Variants in SMARCA2 observed in about 807,000 individuals in gnomAD.
SMARCA2 encodes SWI/SNF related BAF chromatin remodeling complex subunit ATPase 2.
SMARCA2 carries 61 observed loss-of-function variants against 199.8 expected under a neutral mutation model. That is an observed-to-expected ratio of 0.31 (90% confidence interval 0.25 to 0.38). The LOEUF (loss-of-function observed/expected upper bound fraction) is 0.38. Among genes scored for constraint, SMARCA2 ranks in the 10% least tolerant of loss-of-function variants. The pLI is 1.00. For synonymous variants in SMARCA2, 935 were observed against 732.0 expected, an observed-to-expected ratio of 1.28 and a Z score of -4.48; for missense variants, 1,344 against 2,012.2, an observed-to-expected ratio of 0.67 and a Z score of 6.35.
Position 2,054,707 on chromosome 9 carries a change from T to A in SMARCA2, c.1157T>A (p.Leu386His), listed in dbSNP as rs1234687806. Residue 386 changes from leucine to histidine, a missense_variant, in exon 6 of 34, where the codon CTC (leucine) becomes CAC (histidine). Physicochemically the swap from Leu to His is moderately conservative, Grantham distance 99. Transcript: ENST00000349721. ...ATVELKALRL[L>H]NFQRQLRQEV... Reference sequence around the variant, plus strand: ...GTGGAACTAAAAGCACTTCGGTTACTCAATTTCCAGCGTCAGGTAATACAT... The same window carrying A: ...GTGGAACTAAAAGCACTTCGGTTACACAATTTCCAGCGTCAGGTAATACAT... 1 of 1,614,106 alleles carries A rather than the reference T, an allele frequency of 6.2e-7. No individual in the cohort carries two copies.
At chr9:2,107,322 A>AT (rs1822798980) in intron 23 of SMARCA2, among the ~76,000 whole-genome samples, 1 of 151,940 alleles carries the variant, frequency 6.6e-6, no homozygotes, top group Non-Finnish European at 1.5e-5. Context: ...AGTTTATTTA[A>AT]TTTAATTTTA....
chr9:2,176,447 T>G (rs367769157), intron 29 of SMARCA2, among the ~76,000 whole-genome samples: 2 of 152,142 alleles, frequency 1.3e-5, no homozygotes, highest in Non-Finnish European at 2.9e-5. Context: ...GTGCCTTTCT[T>G]ATTGAGCTGA....
In SMARCA2 at chr9:2,145,399, TAA is replaced by T. The variant is rs1483794934; in HGVS notation, c.3982-16284_3982-16283del. ...AAGGAGCAATGGAGGAGAAAGTAAA[TAA>T]AAGAGTTTAGACAAGACTAAGATGT... On this transcript the variant is annotated intron_variant, in intron 27 of 33. Transcript: ENST00000349721. Among the ~76,000 whole-genome samples the T allele has an allele frequency of 5.4e-5, 8 of 149,400 alleles. No individual in the cohort carries two copies. The East Asian group carries it at 9.8e-4, about 18-fold the overall frequency.
chr9:2,183,267 C>T (rs1233416583), intron 31 of SMARCA2, among the ~76,000 whole-genome samples: 1 of 152,148 alleles, frequency 6.6e-6, no homozygotes, highest in African/African-American at 2.4e-5. Flanking sequence ...TAAGACAAAA[C>T]AAACTATAGG....
intron 10 of SMARCA2, 83 bp downstream of exon 10, chr9:2,070,554 AT>A (rs779608312): frequency 5.0e-5 from 47 of 947,204 alleles, no homozygotes; most frequent in Non-Finnish European, 7.6e-5. Flanking sequence ...CATGCATACT[AT>A]TTTATTCTTA....
At position 2,100,176 on chromosome 9, in the gene SMARCA2, G is replaced by A. The variant is rs1458729965; in HGVS notation, c.3079-1394G>A. 5.9e-5 allele frequency among the ~76,000 whole-genome samples: 9 copies of A among 152,208 alleles called. No individual in the cohort carries two copies. The South Asian group carries it at 1.9e-3, about 32-fold the overall frequency. ...AACCTGCTCTCCATTCCCACAGATGGTTGCCATTCCCATAAAGTCAGAATG... is the reference window on the plus strand; with the variant it reads ...AACCTGCTCTCCATTCCCACAGATGATTGCCATTCCCATAAAGTCAGAATG... On this transcript the variant is annotated intron_variant, in intron 21 of 33. Transcript: ENST00000349721.
At chr9:2,164,448 C>G (rs931310567) in intron 28 of SMARCA2, among the ~76,000 whole-genome samples, 1 of 152,216 alleles carries the variant, frequency 6.6e-6, no homozygotes, top group African/African-American at 2.4e-5. Flanking sequence ...GTTTCCCCAT[C>G]CCAGAATCCC....
intron 27 of SMARCA2, among the ~76,000 whole-genome samples, chr9:2,149,351 C>T (rs1336900366): frequency 6.6e-6 from 1 of 150,798 alleles, no homozygotes; most frequent in East Asian, 1.9e-4. Flanking sequence ...AACCCCATCT[C>T]TACAAAAATA....
chr9:2,036,605 A>T (rs1178738731), intron 3 of SMARCA2, among the ~76,000 whole-genome samples: 3 of 152,204 alleles, frequency 2.0e-5, no homozygotes, highest in Non-Finnish European at 4.4e-5. Flanking sequence ...TGACAGAATG[A>T]TTCTATTCAC....
chr9:2,064,922 C>T (rs1393127744), intron 9 of SMARCA2, among the ~76,000 whole-genome samples: 5 of 152,364 alleles, frequency 3.3e-5, no homozygotes, highest in South Asian at 4.1e-4. Context: ...CGGCGGCTCA[C>T]GCCTGTAATC....
At chr9:2,186,479 A>G (rs190780227) in intron 32 of SMARCA2, among the ~76,000 whole-genome samples, 231 of 152,286 alleles carry the variant, frequency 1.5e-3, no homozygotes, top group African/African-American at 5.4e-3. Context: ...CTGGGCTCCT[A>G]GCAAACACTG....
intron 24 of SMARCA2, among the ~76,000 whole-genome samples, chr9:2,111,351 C>T (rs113837974): frequency 0.083 from 12,552 of 151,794 alleles, 686 homozygotes; most frequent in Admixed American, 0.13. Context: ...TAGCTGGGCA[C>T]AGTGGCACTT....
chr9:2,028,756 A>C (rs1818937204), intron 1 of SMARCA2, among the ~76,000 whole-genome samples: 1 of 152,120 alleles, frequency 6.6e-6, no homozygotes, highest in African/African-American at 2.4e-5. Context: ...TAGATGATTT[A>C]TATTTTTCTG....
At chr9:2,092,946 T>G (rs936915780) in intron 19 of SMARCA2, among the ~76,000 whole-genome samples, 1 of 152,198 alleles carries the variant, frequency 6.6e-6, no homozygotes, top group African/African-American at 2.4e-5. Context: ...GCACGATTAT[T>G]ATAAAAACTT....
At chr9:2,106,836 C>T (rs987948102) in intron 23 of SMARCA2, among the ~76,000 whole-genome samples, 2 of 152,206 alleles carry the variant, frequency 1.3e-5, no homozygotes, top group Non-Finnish European at 2.9e-5. Flanking sequence ...GAAGACAACA[C>T]TTTCTAAAAG....
chr9:2,050,870 C>A (rs1182886785), intron 5 of SMARCA2, among the ~76,000 whole-genome samples: 1 of 152,210 alleles, frequency 6.6e-6, no homozygotes, highest in Non-Finnish European at 1.5e-5. Context: ...TTTAATGCAA[C>A]TCTTTTTCTT....
At position 2,081,909 on chromosome 9, in the gene SMARCA2, A is replaced by G. The variant is rs1365956670; in HGVS notation, c.2262A>G (p.Gly754=). 5 of 1,613,850 alleles carry G rather than the reference A, an allele frequency of 3.1e-6. No homozygotes were observed. Among genetic ancestry groups the G allele is most frequent in the Non-Finnish European group, 4.2e-6 (5 of 1,179,854 alleles). The change falls in exon 15 of 34, where the codon GGA becomes GGG. Residue 754 remains glycine (G), a synonymous_variant. Coordinates refer to ENST00000349721, the MANE Select transcript of SMARCA2 (RefSeq NM_003070.5). ...NGILADEMGL[G]KTIQTIALIT... is the part of the protein sequence containing the mutation. ...TCTTAGCCGATGAAATGGGGCTTGG[A>G]AAGACCATACAGACCATTGCACTCA...
chr9:2,040,279 C>A, intron 4 of SMARCA2: 1 of 375,952 alleles, frequency 2.7e-6, no homozygotes. Flanking sequence ...CCCACTAGAG[C>A]CATTTTATAA....
chr9:2,018,428 C>G (rs184221376), intron 1 of SMARCA2, among the ~76,000 whole-genome samples: 1 of 152,172 alleles, frequency 6.6e-6, no homozygotes, highest in South Asian at 2.1e-4. Context: ...GGCTAGTAAT[C>G]TTTTGGAGAG....
Sources: allele counts gnomAD v4.1 joint callset (sites outside exome capture counted in the v4.1 genomes callset), GRCh38; gene constraint gnomAD v4.1.1; transcripts MANE v1.5; gene names NCBI Gene and HGNC (gene_info 2026-07-23, HGNC 2026-07-21).